TRPC7: variants seen among roughly 807,000 people sequenced by gnomAD.
TRPC7 encodes short transient receptor potential channel 7.
A neutral mutation model predicts 90.1 loss-of-function variants in TRPC7; 42 were observed. That is an observed-to-expected ratio of 0.47 (90% CI 0.36 to 0.60). The LOEUF (loss-of-function observed/expected upper bound fraction) is 0.60, where lower values mean the gene tolerates loss of function less well. Among genes scored for constraint, TRPC7 ranks in the 20% least tolerant of loss-of-function variants. The pLI, the probability that TRPC7 is intolerant of heterozygous loss-of-function variation, is 0.00. For missense variants in TRPC7, 955 were observed against 1,112.3 expected (o/e 0.86, Z 2.01); for synonymous variants, 451 against 436.3 (o/e 1.03, Z -0.42).
chr5:136,235,817 C>G (rs965860292), intron 7 of TRPC7, among the ~76,000 whole-genome samples: 1 of 152,148 alleles, frequency 6.6e-6, no homozygotes, highest in Non-Finnish European at 1.5e-5. Flanking sequence ...TCCACCCTAG[C>G]TAGTTATAAA....
Position 136,234,050 on chromosome 5 carries a change from A to G in TRPC7, c.1845-2501T>C, listed in dbSNP as rs142359674. On this transcript the variant is annotated intron_variant, in intron 7 of 11. Coordinates refer to ENST00000513104, the MANE Select transcript of TRPC7 (RefSeq NM_020389.3). ...TTACCTGACCCCCGCAGCTCAGGACAATTAACCTGGCCTGGAATGCTGATA... is the reference window on the plus strand; with the variant it reads ...TTACCTGACCCCCGCAGCTCAGGACGATTAACCTGGCCTGGAATGCTGATA... 1.7e-4 allele frequency among the ~76,000 whole-genome samples: 26 copies of G among 152,312 alleles called. No individual in the cohort carries two copies. The East Asian group carries it at 4.8e-3, about 28-fold the overall frequency.
rs1254904117 is a variant in TRPC7, at chr5:136,357,104, T to A, written c.284A>T (p.Glu95Val). 1 of 1,613,934 alleles carries A rather than the reference T, an allele frequency of 6.2e-7. No individual in the cohort carries two copies. The highest frequency in any genetic ancestry group is 8.5e-7 in the Non-Finnish European group (1 of 1,179,994). ...AVGNEHLEVT[E>V]LLLKKENLAR... Reference sequence around the variant, plus strand: ...CAGGTTCTCCTTCTTCAGCAGCAGCTCCGTGACCTCTAGGTGCTCGTTGCC... The same window carrying A: ...CAGGTTCTCCTTCTTCAGCAGCAGCACCGTGACCTCTAGGTGCTCGTTGCC... The change falls in exon 2 of 12, where the codon GAG (glutamate) becomes GTG (valine). Residue 95 changes from glutamate (E) to valine (V), a missense_variant. Coordinates refer to ENST00000513104, the MANE Select transcript of TRPC7 (RefSeq NM_020389.3).
chr5:136,262,092 C>T (rs184584577), intron 5 of TRPC7, among the ~76,000 whole-genome samples: 8 of 152,252 alleles, frequency 5.3e-5, no homozygotes, highest in African/African-American at 9.6e-5. Context: ...CACAATCTGC[C>T]ACCTCCTCAA....
intron 5 of TRPC7, among the ~76,000 whole-genome samples, chr5:136,262,514 C>G (rs1350087684): frequency 1.3e-5 from 2 of 152,144 alleles, no homozygotes; most frequent in Non-Finnish European, 2.9e-5. Flanking sequence ...GGAAGCGAGT[C>G]TTGTGGATAT....
chr5:136,226,421 C>G (rs1320626377), intron 8 of TRPC7, 166 bp from the exon 9 acceptor site: 11 of 610,794 alleles, frequency 1.8e-5, no homozygotes, highest in Non-Finnish European at 2.9e-5. Flanking sequence ...TTTGCTCTCA[C>G]TAAAACCATG....
chr5:136,295,180 C>A, intron 3 of TRPC7, among the ~76,000 whole-genome samples: 1 of 151,974 alleles, frequency 6.6e-6, no homozygotes, highest in Non-Finnish European at 1.5e-5. Flanking sequence ...GGAGATATAC[C>A]TAATGCTAAA....
chr5:136,302,457 C>T (rs1349457980), intron 3 of TRPC7, among the ~76,000 whole-genome samples: 1 of 152,148 alleles, frequency 6.6e-6, no homozygotes, highest in Non-Finnish European at 1.5e-5. Context: ...ATTTCCATGC[C>T]CCGACCCCTT....
In TRPC7 at chr5:136,317,978, A is replaced by C. The variant is rs150389170; in HGVS notation, c.781-2199T>G. Among the ~76,000 whole-genome samples, 17 of 152,346 alleles carry C rather than the reference A, an allele frequency of 1.1e-4. 1 individual carries two copies. In the East Asian group the frequency reaches 2.7e-3, roughly 24 times the overall value. ...CCAGCCTGCCATCAATAGGAGAGGC[A>C]ACAGAGCAGCCAAAGCAGGTAATTT... On this transcript the variant is annotated intron_variant, in intron 2 of 11. Transcript: ENST00000513104.
chr5:136,300,483 T>C (rs1372654601), intron 3 of TRPC7, among the ~76,000 whole-genome samples: 1 of 152,224 alleles, frequency 6.6e-6, no homozygotes, highest in African/African-American at 2.4e-5. Context: ...GCTTCATCTC[T>C]AATACAACCA....
chr5:136,256,182 A>G (rs528868628), intron 5 of TRPC7, among the ~76,000 whole-genome samples: 1 of 152,262 alleles, frequency 6.6e-6, no homozygotes, highest in African/African-American at 2.4e-5. Flanking sequence ...TTCATCAGAC[A>G]TGATGGCCTG....
chr5:136,259,398 C>G (rs1178347330), intron 5 of TRPC7, among the ~76,000 whole-genome samples: 2 of 152,192 alleles, frequency 1.3e-5, no homozygotes. Context: ...TGCCAGCCAC[C>G]ATTAAGAGAG....
Position 136,344,879 on chromosome 5 carries a change from G to A in TRPC7, c.780+11729C>T, listed in dbSNP as rs183845679. ...GAAATAGAGTAGTAGGTAGCAGACA[G>A]AAGCAATAAACTAAACACATGTGCA... On this transcript the variant is annotated intron_variant, in intron 2 of 11. Coordinates refer to ENST00000513104, the MANE Select transcript of TRPC7 (RefSeq NM_020389.3). Among the ~76,000 whole-genome samples the A allele has an allele frequency of 2.7e-3, 405 of 152,280 alleles. 2 individuals carry two copies. Among genetic ancestry groups the A allele is most frequent in the African/African-American group, 9.2e-3 (384 of 41,554 alleles).
rs1756385227 is a variant in TRPC7 at position 136,247,650 on chromosome 5, A to G, written c.1665T>C (p.Ile555=). Residue 555 remains isoleucine (I), a synonymous_variant, in exon 7 of 12, where the codon ATT becomes ATC. Transcript: ENST00000513104. This position sits in a 1 kb window ranked among gnomAD's most constrained non-coding sequence, Gnocchi z 4.2. ...TCTCGTTGGCTGGCAGAATGTATGC[A>G]ATGCGAGAGAAGCTCAGCACGACGG... ...AIAVVLSFSR[I]AYILPANESF... 1.2e-6 allele frequency: 2 copies of G among 1,613,912 alleles called. No individual in the cohort carries two copies. Among genetic ancestry groups the G allele is most frequent in the Non-Finnish European group, 1.7e-6 (2 of 1,179,892 alleles).
At position 136,289,089 on chromosome 5, in the gene TRPC7, T is replaced by TCCCAAAATGGGC. The variant is rs373511287; in HGVS notation, c.964-14264_964-14253dup. Among the ~76,000 whole-genome samples, 253 of 152,298 alleles carry TCCCAAAATGGGC rather than the reference T, an allele frequency of 1.7e-3. 1 individual carries two copies. The highest frequency in any genetic ancestry group is 5.9e-3 in the African/African-American group (244 of 41,568). On this transcript the variant is annotated intron_variant, in intron 3 of 11. Coordinates refer to ENST00000513104, the MANE Select transcript of TRPC7 (RefSeq NM_020389.3). The stretch of plus-strand genomic sequence containing the variant: ...TTCTAATAAGGACTTTGAATAAAGG[T>TCCCAAAATGGGC]CCCAAAATGGGCCCCAAAATGCAGG...
chr5:136,288,407 A>ATT (rs11459384), intron 3 of TRPC7, among the ~76,000 whole-genome samples: 13,484 of 147,584 alleles, frequency 0.091, 710 homozygotes, highest in Non-Finnish European at 0.13. Context: ...AGAAGTAGAG[A>ATT]TTTTTTTTTT....
At chr5:136,276,408 T>G (rs976626275) in intron 3 of TRPC7, among the ~76,000 whole-genome samples, 1 of 152,200 alleles carries the variant, frequency 6.6e-6, no homozygotes, top group Non-Finnish European at 1.5e-5. Flanking sequence ...TCACTGAGTA[T>G]TAAGGGGACA....
chr5:136,363,490 G>C (rs1760630544), intron 1 of TRPC7, among the ~76,000 whole-genome samples: 1 of 151,966 alleles, frequency 6.6e-6, no homozygotes, highest in Non-Finnish European at 1.5e-5. Context: ...AGAAAAAAAA[G>C]ATATATACCT....
intron 3 of TRPC7, among the ~76,000 whole-genome samples, chr5:136,305,336 C>T (rs1339881510): frequency 4.6e-5 from 7 of 152,302 alleles, no homozygotes; most frequent in African/African-American, 1.7e-4. Context: ...CCAGCAAAGG[C>T]AGGCTATGCT....
intron 2 of TRPC7, among the ~76,000 whole-genome samples, chr5:136,338,308 C>A (rs977612986): frequency 6.6e-6 from 1 of 152,134 alleles, no homozygotes; most frequent in African/African-American, 2.4e-5. Flanking sequence ...ATTCTTACAT[C>A]ACTGTAATTT....
Sources: allele counts gnomAD v4.1 joint callset (sites outside exome capture counted in the v4.1 genomes callset), GRCh38; gene constraint gnomAD v4.1.1; non-coding constraint Gnocchi (gnomAD v3.1); transcripts MANE v1.5; gene names NCBI Gene and HGNC (gene_info 2026-07-23, HGNC 2026-07-21).